ESRRG: variants seen among roughly 807,000 people sequenced by gnomAD.
ESRRG encodes the protein estrogen related receptor gamma.
Under a neutral mutation model 44.0 loss-of-function variants are expected in ESRRG, and 13 were observed. That is an observed-to-expected ratio of 0.30 (90% CI 0.19 to 0.47). ESRRG has a LOEUF of 0.47. Among genes scored for constraint, ESRRG ranks in the 20% least tolerant of loss-of-function variants. The pLI is 1.00. For synonymous variants in ESRRG, 215 were observed against 214.6 expected, an observed-to-expected ratio of 1.00 and a Z score of -0.02; for missense variants, 395 against 580.6, an observed-to-expected ratio of 0.68 and a Z score of 3.29.
At chr1:216,513,650 C>T (rs1371056715) in intron 6 of ESRRG, among the ~76,000 whole-genome samples, 3 of 152,074 alleles carry the variant, frequency 2.0e-5, no homozygotes, top group Non-Finnish European at 2.9e-5. Context: ...AGTTTCTTTC[C>T]TTCAGGCTTC....
intron 1 of ESRRG, among the ~76,000 whole-genome samples, chr1:216,942,591 TA>T (rs2065426961): frequency 6.6e-6 from 1 of 152,182 alleles, no homozygotes; most frequent in African/African-American, 2.4e-5. Context: ...TTTTCATTTT[TA>T]ATAATAGCCA....
intron 2 of ESRRG, among the ~76,000 whole-genome samples, chr1:216,877,375 T>G (rs1232547758): frequency 1.2e-5 from 1 of 85,208 alleles, no homozygotes; most frequent in Non-Finnish European, 2.2e-5. Flanking sequence ...TTTATAGGTA[T>G]GGTGTTTTTT....
chr1:216,915,252 G>A (rs111589129), intron 2 of ESRRG, among the ~76,000 whole-genome samples: 291 of 152,272 alleles, frequency 1.9e-3, no homozygotes, highest in African/African-American at 6.5e-3. Flanking sequence ...AGAAGACAAA[G>A]AAGATACATA....
At chr1:216,775,549 A>AACTTTTTT (rs1559586660) in intron 2 of ESRRG, among the ~76,000 whole-genome samples, 1 of 82,890 alleles carries the variant, frequency 1.2e-5, no homozygotes, top group Non-Finnish European at 2.5e-5. Flanking sequence ...AAAATGTCAC[A>AACTTTTTT]TCTTTTTTTT....
chr1:216,530,560 T>G (rs1440665357), intron 5 of ESRRG, among the ~76,000 whole-genome samples: 1 of 152,174 alleles, frequency 6.6e-6, no homozygotes, highest in Non-Finnish European at 1.5e-5. Context: ...AGGCCTCACC[T>G]ACACGCACAT....
chr1:216,668,446 T>A (rs1411953679), intron 2 of ESRRG, among the ~76,000 whole-genome samples: 2 of 152,226 alleles, frequency 1.3e-5, no homozygotes, highest in Non-Finnish European at 2.9e-5. Context: ...AGTAACATAA[T>A]GCTATGTGTT....
At chr1:216,873,312 A>G (rs1190755961) in intron 2 of ESRRG, among the ~76,000 whole-genome samples, 1 of 146,340 alleles carries the variant, frequency 6.8e-6, no homozygotes, top group Non-Finnish European at 1.5e-5. Context: ...CCCTGGTTCA[A>G]GCAATTCTCC....
intron 2 of ESRRG, among the ~76,000 whole-genome samples, chr1:216,772,335 T>C (rs1406224985): frequency 4.6e-5 from 7 of 152,120 alleles, no homozygotes; most frequent in Admixed American, 4.6e-4. Flanking sequence ...AAAAGAACTC[T>C]GCTCTCTCTT....
At chr1:216,952,521 C>T (rs564987272) in intron 1 of ESRRG, among the ~76,000 whole-genome samples, 32 of 152,196 alleles carry the variant, frequency 2.1e-4, no homozygotes, top group Admixed American at 3.9e-4. Context: ...TCCCCCATGG[C>T]ATCCTCCTGT....
chr1:216,773,393 A>C (rs1216187440), intron 2 of ESRRG, among the ~76,000 whole-genome samples: 3 of 152,158 alleles, frequency 2.0e-5, no homozygotes, highest in Admixed American at 1.3e-4. Context: ...GACTGCCTTG[A>C]TGTAGATATG....
chr1:216,597,699 A>C (rs955703886), intron 3 of ESRRG, among the ~76,000 whole-genome samples: 1 of 152,212 alleles, frequency 6.6e-6, no homozygotes, highest in Non-Finnish European at 1.5e-5. Flanking sequence ...AATGTGGATT[A>C]CTGATAACTG....
At chr1:217,057,567 A>T (rs974698736) in intron 1 of ESRRG, among the ~76,000 whole-genome samples, 1 of 152,266 alleles carries the variant, frequency 6.6e-6, no homozygotes, top group African/African-American at 2.4e-5. Flanking sequence ...GACTGAAAAA[A>T]ATGATTATAA....
intron 2 of ESRRG, among the ~76,000 whole-genome samples, chr1:216,860,989 T>G (rs1178011537): frequency 1.3e-5 from 2 of 152,134 alleles, no homozygotes; most frequent in Non-Finnish European, 2.9e-5. Context: ...AAATATATTA[T>G]TGTAAGTCTC....
chr1:216,688,121 A>G (rs1383528491), intron 1 of ESRRG, among the ~76,000 whole-genome samples: 2 of 152,210 alleles, frequency 1.3e-5, no homozygotes, highest in African/African-American at 4.8e-5. Flanking sequence ...AAAAGTAATT[A>G]ACACTAAACA....
intron 1 of ESRRG, among the ~76,000 whole-genome samples, chr1:216,704,308 G>A (rs879811628): frequency 2.6e-5 from 4 of 152,116 alleles, no homozygotes; most frequent in Admixed American, 2.6e-4. Context: ...GAGGTCAGGC[G>A]TTCAAGACCA....
At chr1:216,570,044 T>C (rs915825276) in intron 3 of ESRRG, among the ~76,000 whole-genome samples, 2 of 152,198 alleles carry the variant, frequency 1.3e-5, no homozygotes, top group Non-Finnish European at 2.9e-5. Flanking sequence ...ACAGTGAATA[T>C]ATTACTCAAA....
chr1:216,668,088 C>T (rs2074364438), intron 2 of ESRRG, among the ~76,000 whole-genome samples: 1 of 152,004 alleles, frequency 6.6e-6, no homozygotes, highest in Non-Finnish European at 1.5e-5. Flanking sequence ...CAGAACGAGA[C>T]TCCATCTCAA....
chr1:217,074,446 C>CA (rs1177880942), intron 1 of ESRRG, among the ~76,000 whole-genome samples: 2 of 122,954 alleles, frequency 1.6e-5, no homozygotes, highest in Admixed American at 7.9e-5. Flanking sequence ...AGAAATCCAC[C>CA]CCCCCCAAAA....
intron 6 of ESRRG, among the ~76,000 whole-genome samples, chr1:216,509,439 G>A (rs550963400): frequency 6.6e-6 from 1 of 152,180 alleles, no homozygotes; most frequent in East Asian, 1.9e-4. Context: ...CTAATTACTA[G>A]AACAATACAG....
Sources: gnomAD v4.1 joint callset for allele counts (sites outside exome capture counted in the v4.1 genomes callset) on GRCh38, gnomAD v4.1.1 for gene constraint, MANE v1.5 for transcripts, NCBI Gene and HGNC (gene_info 2026-07-23, HGNC 2026-07-21) for gene names.